ATF2: variants seen among roughly 807,000 people sequenced by gnomAD.
The protein encoded by ATF2 is activating transcription factor 2.
In ATF2, 24 loss-of-function variants were observed where a neutral mutation model predicts 60.6. The ratio of observed to expected loss-of-function variants is 0.40; its 90% confidence interval spans 0.29 to 0.56. The LOEUF is 0.56. ATF2 is among the 20% of genes least tolerant of loss of function. The pLI is 0.54. For missense variants in ATF2, 433 were observed against 607.7 expected (o/e 0.71, Z 3.02); for synonymous variants, 206 against 215.4 (o/e 0.96, Z 0.38).
intron 1 of ATF2, among the ~76,000 whole-genome samples, chr2:175,152,333 A>G (rs959934032): frequency 2.6e-5 from 4 of 152,214 alleles, no homozygotes; most frequent in African/African-American, 9.6e-5. Context: ...GAATGACAAC[A>G]TAAGAGCAAA....
intron 2 of ATF2, among the ~76,000 whole-genome samples, chr2:175,150,169 T>G (rs957387813): frequency 7.2e-5 from 11 of 152,172 alleles, no homozygotes; most frequent in Admixed American, 2.0e-4. Context: ...GCTTTAAAAT[T>G]TTTTGCTTTT....
At chr2:175,124,925 T>C (rs1697221383) in intron 4 of ATF2, among the ~76,000 whole-genome samples, 1 of 151,948 alleles carries the variant, frequency 6.6e-6, no homozygotes, top group African/African-American at 2.4e-5. Flanking sequence ...TTAAAACAAG[T>C]GAAATTAACA....
intron 1 of ATF2, among the ~76,000 whole-genome samples, chr2:175,163,913 C>T (rs1169544790): frequency 9.0e-4 from 2 of 2,224 alleles, no homozygotes; most frequent in African/African-American, 2.4e-3. Flanking sequence ...ATAGCAACTC[C>T]GTCTCAAAAA....
chr2:175,128,955 C>A (rs537940539), intron 4 of ATF2, among the ~76,000 whole-genome samples: 4 of 152,036 alleles, frequency 2.6e-5, no homozygotes, highest in African/African-American at 9.7e-5. Flanking sequence ...CCTAAAAAGT[C>A]AAACATATAT....
chr2:175,130,086 T>C, intron 4 of ATF2, 52 bp downstream of exon 4: 1 of 1,253,822 alleles, frequency 8.0e-7, no homozygotes, highest in Non-Finnish European at 1.1e-6. Context: ...ATATCATCAA[T>C]GTTTTAATAA....
chr2:175,086,245 T>G (rs1694158314), intron 12 of ATF2, among the ~76,000 whole-genome samples: 1 of 152,214 alleles, frequency 6.6e-6, no homozygotes, highest in Admixed American at 6.5e-5. Context: ...GTATTATTAC[T>G]GTACTCTAAT....
At chr2:175,096,911 G>GCT (rs1694973857) in intron 11 of ATF2, among the ~76,000 whole-genome samples, 2 of 152,128 alleles carry the variant, frequency 1.3e-5, no homozygotes, top group African/African-American at 4.8e-5. Flanking sequence ...TTACATAGGA[G>GCT]AACAGTTCAA....
At chr2:175,103,053 T>G (rs1695411728) in intron 10 of ATF2, among the ~76,000 whole-genome samples, 1 of 152,202 alleles carries the variant, frequency 6.6e-6, no homozygotes, top group Non-Finnish European at 1.5e-5. Flanking sequence ...AGAGGTGATC[T>G]CCTAGAAATA....
chr2:175,136,737 C>T (rs1698163665), intron 2 of ATF2, among the ~76,000 whole-genome samples: 1 of 152,058 alleles, frequency 6.6e-6, no homozygotes, highest in Admixed American at 6.6e-5. Context: ...TAATTCAGCC[C>T]TTAGGGCTGT....
chr2:175,132,486 T>C (rs568339490), intron 3 of ATF2, among the ~76,000 whole-genome samples: 1 of 152,344 alleles, frequency 6.6e-6, no homozygotes, highest in South Asian at 2.1e-4. Context: ...ACACTGAATG[T>C]TGAACAAACA....
intron 1 of ATF2, among the ~76,000 whole-genome samples, chr2:175,156,793 C>G (rs1380549454): frequency 6.6e-6 from 1 of 152,172 alleles, no homozygotes. Context: ...CTCGGCTGGG[C>G]CCGCCTGGAC....
At chr2:175,084,514 G>A (rs1249731905) in intron 12 of ATF2, among the ~76,000 whole-genome samples, 1 of 111,324 alleles carries the variant, frequency 9.0e-6, no homozygotes, top group Non-Finnish European at 1.8e-5. Flanking sequence ...GGAGGGGGGA[G>A]GGATAGCATT....
At chr2:175,145,126 T>C (rs1468706450) in intron 2 of ATF2, among the ~76,000 whole-genome samples, 2 of 152,196 alleles carry the variant, frequency 1.3e-5, no homozygotes, top group East Asian at 3.9e-4. Flanking sequence ...TATGCACGCA[T>C]ATGTGGTCAT....
rs78317473 is a variant in ATF2 at position 175,122,548 on chromosome 2, A to G, written c.103-1008T>C. Among the ~76,000 whole-genome samples the G allele has an allele frequency of 2.0e-4, 31 of 152,124 alleles. 1 individual carries two copies. The East Asian group carries it at 5.4e-3, about 27-fold the overall frequency. On this transcript the variant is annotated intron_variant, in intron 4 of 13. Transcript: ENST00000264110. ...CCAATTCACTACATCCTTTCATGCA[A>G]CTAATAATAGTAGCTTTAGGGTTAC...
chr2:175,120,144 TAA>T (rs1270584723), intron 5 of ATF2, among the ~76,000 whole-genome samples: 1 of 151,712 alleles, frequency 6.6e-6, no homozygotes, highest in African/African-American at 2.4e-5. Context: ...ATATTTGAGT[TAA>T]AGAGTTACAC....
intron 2 of ATF2, among the ~76,000 whole-genome samples, chr2:175,136,894 T>G (rs949588177): frequency 2.6e-5 from 4 of 152,042 alleles, no homozygotes; most frequent in South Asian, 4.1e-4. Flanking sequence ...TCAGCCTAAT[T>G]CATCAAAATT....
chr2:175,076,358 C>A (rs1269911317), intron 13 of ATF2, among the ~76,000 whole-genome samples: 7 of 152,078 alleles, frequency 4.6e-5, no homozygotes, highest in Middle Eastern at 3.4e-3. Flanking sequence ...CCACCACCAC[C>A]AACCACCAGA....
chr2:175,124,327 C>A (rs1697175635), intron 4 of ATF2, among the ~76,000 whole-genome samples: 1 of 150,458 alleles, frequency 6.6e-6, no homozygotes. Context: ...TAGCAGGTAG[C>A]AATCTCTCTT....
At chr2:175,122,175 A>G (rs1160958468) in intron 4 of ATF2, among the ~76,000 whole-genome samples, 1 of 152,004 alleles carries the variant, frequency 6.6e-6, no homozygotes, top group African/African-American at 2.4e-5. Flanking sequence ...AAAATGGAGC[A>G]AAGTTGTTTT....
Sources: allele counts gnomAD v4.1 joint callset (sites outside exome capture counted in the v4.1 genomes callset), GRCh38; gene constraint gnomAD v4.1.1; transcripts MANE v1.5; gene names NCBI Gene and HGNC (gene_info 2026-07-23, HGNC 2026-07-21).